The following TMEM217B variants were observed in gnomAD, a reference collection of about 807,000 sequenced individuals.
TMEM217B encodes putative transmembrane protein 217B.
At chr6:37,247,310 G>A in the TMEM217B span, among the ~76,000 whole-genome samples, 105 of 152,290 alleles carry the variant, frequency 6.9e-4, no homozygotes, top group African/African-American at 2.5e-3. Context: ...TTATTTGGAG[G>A]TGACAGAAAC....
At chr6:37,257,645 T>A in the TMEM217B span, 8 of 473,598 alleles carry the variant, frequency 1.7e-5, no homozygotes, top group Non-Finnish European at 2.3e-5. Flanking sequence ...CCCGTCCACC[T>A]GTGTGCCCAG....
At chr6:37,221,299 G>A in the TMEM217B span, among the ~76,000 whole-genome samples, 14 of 151,858 alleles carry the variant, frequency 9.2e-5, no homozygotes, top group Admixed American at 9.2e-4. Flanking sequence ...CGATTCTCGT[G>A]CCTCAGCCTC....
chr6:37,230,255 G>C, the TMEM217B span, among the ~76,000 whole-genome samples: 1 of 152,200 alleles, frequency 6.6e-6, no homozygotes, highest in Non-Finnish European at 1.5e-5. Flanking sequence ...GGACCCACTT[G>C]TCTAATCCAA....
the TMEM217B span, among the ~76,000 whole-genome samples, chr6:37,227,778 C>T: frequency 1.3e-5 from 2 of 151,564 alleles, no homozygotes; most frequent in Non-Finnish European, 2.9e-5. Flanking sequence ...TTATCTTTAT[C>T]ATTATTACAT....
chr6:37,218,191 A>C, the TMEM217B span: 1 of 1,061,716 alleles, frequency 9.4e-7, no homozygotes. Context: ...TTTTTGGGGG[A>C]CAGAGTCTTA....
chr6:37,243,293 C>T, the TMEM217B span, among the ~76,000 whole-genome samples: 3 of 152,264 alleles, frequency 2.0e-5, no homozygotes, highest in South Asian at 2.1e-4. Context: ...ATAAGGTTTA[C>T]GTTTTCCAGC....
At chr6:37,257,693 A>G in the TMEM217B span, 4 of 546,772 alleles carry the variant, frequency 7.3e-6, no homozygotes, top group South Asian at 9.0e-5. Flanking sequence ...GGCCTGCAGG[A>G]TTCCGGCTCC....
the TMEM217B span, among the ~76,000 whole-genome samples, chr6:37,240,362 A>G: frequency 6.6e-6 from 1 of 152,154 alleles, no homozygotes; most frequent in African/African-American, 2.4e-5. Flanking sequence ...GCTCTCTCTG[A>G]CTGTTGGCAG....
At chr6:37,242,631 T>A in the TMEM217B span, among the ~76,000 whole-genome samples, 1 of 152,226 alleles carries the variant, frequency 6.6e-6, no homozygotes, top group African/African-American at 2.4e-5. Context: ...AAAGCCCTCA[T>A]GATCTGACTG....
the TMEM217B span, among the ~76,000 whole-genome samples, chr6:37,233,265 C>T: frequency 2.9e-4 from 44 of 152,232 alleles, 1 homozygote; most frequent in Non-Finnish European, 2.9e-4. Flanking sequence ...AAAAAACTCA[C>T]TAAGTTCCAT....
chr6:37,215,286 G>A, the TMEM217B span: 1 of 1,609,774 alleles, frequency 6.2e-7, no homozygotes, highest in South Asian at 1.1e-5. Flanking sequence ...GTGGAAGCTA[G>A]ACAAATAAAA....
At chr6:37,229,347 T>TTTG in the TMEM217B span, among the ~76,000 whole-genome samples, 4 of 131,136 alleles carry the variant, frequency 3.1e-5, no homozygotes, top group Admixed American at 7.7e-5. Context: ...TTTTTTTTTT[T>TTTG]TTTTTTTTTT....
the TMEM217B span, among the ~76,000 whole-genome samples, chr6:37,237,413 C>G: frequency 6.6e-6 from 1 of 152,206 alleles, no homozygotes; most frequent in Non-Finnish European, 1.5e-5. Flanking sequence ...GTCAGCCTCT[C>G]TCTGGTAGCC....
chr6:37,222,591 C>T, the TMEM217B span, among the ~76,000 whole-genome samples: 2 of 152,236 alleles, frequency 1.3e-5, no homozygotes, highest in Non-Finnish European at 2.9e-5. Context: ...AGGTCTGCAG[C>T]CGTGGGTCCT....
the TMEM217B span, among the ~76,000 whole-genome samples, chr6:37,222,311 C>T: frequency 1.3e-5 from 2 of 152,222 alleles, no homozygotes; most frequent in African/African-American, 4.8e-5. Context: ...CTCCCGCTGC[C>T]ATCCATGGCC....
the TMEM217B span, among the ~76,000 whole-genome samples, chr6:37,246,970 G>C: frequency 1.3e-5 from 2 of 152,026 alleles, no homozygotes; most frequent in Non-Finnish European, 2.9e-5. Flanking sequence ...GTACCTATCA[G>C]GCATGGTTAG....
the TMEM217B span, among the ~76,000 whole-genome samples, chr6:37,219,731 C>A: frequency 2.6e-5 from 4 of 151,396 alleles, no homozygotes; most frequent in East Asian, 7.7e-4. Flanking sequence ...GACCCTATAT[C>A]CAAAAAAAAA....
chr6:37,215,540 C>T, the TMEM217B span, among the ~76,000 whole-genome samples: 1 of 120,834 alleles, frequency 8.3e-6, no homozygotes, highest in Non-Finnish European at 1.6e-5. Context: ...CACTGTACTC[C>T]AGCCTGGGCT....
chr6:37,257,771 C>A, the TMEM217B span: 1 of 831,144 alleles, frequency 1.2e-6, no homozygotes, highest in East Asian at 2.7e-5. Context: ...GAGGGGTGCC[C>A]ACATCCAAGA....
Sources: allele counts gnomAD v4.1 joint callset (sites outside exome capture counted in the v4.1 genomes callset), GRCh38; gene constraint gnomAD v4.1.1; transcripts MANE v1.5; gene names NCBI Gene and HGNC (gene_info 2026-07-23, HGNC 2026-07-21).